The following AFM variants were observed in gnomAD, a reference collection of about 807,000 sequenced individuals.
The protein encoded by AFM is afamin.
In AFM, 82 loss-of-function variants were observed where a neutral mutation model predicts 68.7. The ratio of observed to expected loss-of-function variants is 1.19; its 90% CI spans 1.00 to 1.43. AFM has a LOEUF of 1.43. AFM is among the 40% of genes most tolerant of loss of function. AFM has a pLI of 0.00. For synonymous variants in AFM, 250 were observed against 234.2 expected (o/e 1.07, Z -0.61); for missense variants, 772 against 701.8 (o/e 1.10, Z -1.13).
chr4:73,498,037 C>T (rs999715630), intron 10 of AFM, among the ~76,000 whole-genome samples: 1 of 152,178 alleles, frequency 6.6e-6, no homozygotes, highest in Admixed American at 6.5e-5. Context: ...ATCCCTGCAT[C>T]CTCACCCATT....
intron 5 of AFM, among the ~76,000 whole-genome samples, 183 bp downstream of exon 5, chr4:73,487,282 T>C (rs1367988816): frequency 1.3e-5 from 2 of 152,242 alleles, no homozygotes; most frequent in Non-Finnish European, 2.9e-5. Flanking sequence ...CTTGAGACTC[T>C]TGAATGACAG....
intron 8 of AFM, among the ~76,000 whole-genome samples, chr4:73,493,305 G>C (rs1721136422): frequency 6.6e-6 from 1 of 152,232 alleles, no homozygotes; most frequent in South Asian, 2.1e-4. Flanking sequence ...AACCTCATCT[G>C]AAGAAAATCC....
At chr4:73,484,539 T>TCC (rs1272646691) in intron 3 of AFM, 149 bp downstream of exon 3, 1 of 755,398 alleles carries the variant, frequency 1.3e-6, no homozygotes, top group Non-Finnish European at 1.9e-6. Context: ...CTTTCTTTCC[T>TCC]TCTTTTTTTT....
Position 73,500,094 on chromosome 4 carries a change from T to A in AFM, c.1513T>A (p.Phe505Ile), listed in dbSNP as rs752753617. The change falls in exon 12 of 15, where the codon TTC becomes ATC. Residue 505 changes from phenylalanine (F) to isoleucine (I), a missense_variant. Physicochemically the swap from Phe to Ile is conservative, Grantham distance 21 (BLOSUM62 0). Transcript: ENST00000226355. ...VDHCCKTNFA[F>I]RRPCFESLKA... The stretch of plus-strand genomic sequence containing the variant: ...CCACTGCTGTAAAACAAACTTTGCC[T>A]TCAGAAGGCCCTGCTTTGAGAGTTT... 6.2e-7 allele frequency: 1 copy of A among 1,613,956 alleles called. No individual in the cohort carries two copies. The highest frequency in any genetic ancestry group is 1.3e-5 in the African/African-American group (1 of 74,930).
chr4:73,482,459 T>G (rs1345563006), intron 1 of AFM, among the ~76,000 whole-genome samples: 7 of 152,206 alleles, frequency 4.6e-5, no homozygotes, highest in Non-Finnish European at 1.0e-4. Flanking sequence ...GCTCCTTTCT[T>G]TGACTTGAAC....
rs1230971721 is a variant in AFM, at chr4:73,481,842, C to T, written c.67C>T (p.Pro23Ser). 1 of 1,606,026 alleles carries T rather than the reference C, an allele frequency of 6.2e-7. No homozygotes were observed. Among genetic ancestry groups the T allele is most frequent in the Non-Finnish European group, 8.5e-7 (1 of 1,175,422 alleles). The part of the protein sequence containing the change: ...LFFLTESLTL[P>S]TQPRDIENFN... The stretch of plus-strand genomic sequence containing the variant: ...TTTTTTGACTGAATCCCTAACCCTG[C>T]CCACACAACCTCGGGATATAGGTAA... Residue 23 changes from proline to serine, a missense_variant, in exon 1 of 15, where the codon CCC becomes TCC. Transcript: ENST00000226355.
At chr4:73,486,875 C>G in intron 4 of AFM, 92 bp from the exon 5 acceptor site, 1 of 1,086,746 alleles carries the variant, frequency 9.2e-7, no homozygotes, top group Non-Finnish European at 1.3e-6. Flanking sequence ...ATCTTACCCT[C>G]CCTTCCCTTC....
At chr4:73,492,375 A>C (rs1482650165) in intron 8 of AFM, among the ~76,000 whole-genome samples, 1 of 152,218 alleles carries the variant, frequency 6.6e-6, no homozygotes, top group Admixed American at 6.5e-5. Flanking sequence ...CAATCATACA[A>C]AATAAGTACA....
At chr4:73,495,826 AT>A (rs2149345848) in intron 9 of AFM, among the ~76,000 whole-genome samples, 1 of 152,288 alleles carries the variant, frequency 6.6e-6, no homozygotes, top group South Asian at 2.1e-4. Flanking sequence ...AAAAGTAATG[AT>A]TGATTGTTGT....
chr4:73,485,861 G>C lies in AFM; in HGVS notation c.271-1G>C. The C allele has an allele frequency of 6.2e-7, 1 of 1,612,754 alleles. No individual in the cohort carries two copies. The highest frequency in any genetic ancestry group is 8.5e-7 in the Non-Finnish European group (1 of 1,178,910). ...TTGTCCTTTTCTTCTCTGTTGTATA[G>C]AATAATGTTTTACAGGAAAAAATAT... On this transcript the variant is annotated splice_acceptor_variant, in intron 3 of 14. Transcript: ENST00000226355. LOFTEE classifies it high-confidence loss of function.
intron 14 of AFM, 55 bp downstream of exon 14, chr4:73,503,165 C>T (rs1277878350): frequency 2.2e-6 from 3 of 1,365,168 alleles, no homozygotes; most frequent in Non-Finnish European, 3.1e-6. Flanking sequence ...TATCTGATCT[C>T]CTTGCCTTTT....
At chr4:73,488,862 C>A in intron 7 of AFM, 103 bp downstream of exon 7, 1 of 1,102,720 alleles carries the variant, frequency 9.1e-7, no homozygotes, top group Non-Finnish European at 1.3e-6. Flanking sequence ...ACAATGAAAT[C>A]AGAATGTGAT....
Position 73,481,750 on chromosome 4 carries a change from C to G in AFM, c.-26C>G. On this transcript the variant is annotated 5_prime_UTR_variant, in exon 1 of 15. Transcript: ENST00000226355. Reference sequence around the variant, plus strand: ...TGATTTTCCTCAACAACATTACTTTCTTTTGTAAATGTGGTTTCTACAAAG... The same window carrying G: ...TGATTTTCCTCAACAACATTACTTTGTTTTGTAAATGTGGTTTCTACAAAG... 1 of 1,395,394 alleles carries G rather than the reference C, an allele frequency of 7.2e-7. No individual in the cohort carries two copies. The highest frequency in any genetic ancestry group is 1.0e-6 in the Non-Finnish European group (1 of 1,001,684). 86.4% of individuals were successfully genotyped at this position (1,395,394 alleles called of 1,614,324 possible). A position where few individuals can be genotyped will look rare whatever the true frequency, so the allele number is the denominator to read the frequency against.
intron 5 of AFM, among the ~76,000 whole-genome samples, chr4:73,487,364 T>G (rs1470479126): frequency 1.3e-5 from 2 of 152,182 alleles, no homozygotes; most frequent in Admixed American, 1.3e-4. Flanking sequence ...GGTGAGTGAA[T>G]GCCCAGGGTG....
At position 73,499,317 on chromosome 4, in the gene AFM, A is replaced by G. The variant is rs1195163571; in HGVS notation, c.1422+71A>G. 6.3e-6 allele frequency: 8 copies of G among 1,279,090 alleles called. No homozygotes were observed. The East Asian group carries it at 2.0e-4, about 32-fold the overall frequency. The allele number at this position is 1,279,090 out of a possible 1,614,324, so 79.2% of individuals were successfully genotyped here. The stretch of plus-strand genomic sequence containing the variant: ...AAAAAAAGAATATTTGCACTCATTG[A>G]TTTACCGTGATTATCCATATTCCTT... On this transcript the variant is annotated intron_variant, in intron 11 of 14. Coordinates refer to ENST00000226355, the MANE Select transcript of AFM (RefSeq NM_001133.2).
At chr4:73,483,660 A>G (rs1454634925) in intron 1 of AFM, among the ~76,000 whole-genome samples, 3 of 152,244 alleles carry the variant, frequency 2.0e-5, no homozygotes, top group Admixed American at 2.0e-4. Flanking sequence ...TGACATTTCT[A>G]TCTGGGGAGC....
chr4:73,489,734 T>C (rs1322565273), intron 7 of AFM, among the ~76,000 whole-genome samples: 2 of 152,192 alleles, frequency 1.3e-5, no homozygotes, highest in Non-Finnish European at 2.9e-5. Flanking sequence ...GAATTGTTCA[T>C]GCATTCTGTT....
At position 73,499,888 on chromosome 4, in the gene AFM, T is replaced by C. The variant is rs1009391468; in HGVS notation, c.1423-116T>C. 1.1e-4 allele frequency: 91 copies of C among 849,970 alleles called. No homozygotes were observed. In the African/African-American group the frequency reaches 1.3e-3, roughly 13 times the overall value. 52.7% of individuals were successfully genotyped at this position (849,970 alleles called of 1,614,324 possible). On this transcript the variant is annotated intron_variant, in intron 11 of 14. Coordinates refer to ENST00000226355, the MANE Select transcript of AFM (RefSeq NM_001133.2). ...GGGATATGTCATGAGTGCATGTGTT[T>C]TATGAGTGAGGTTAACAGTGATCTT...
At chr4:73,502,856 A>G (rs903244298) in intron 13 of AFM, among the ~76,000 whole-genome samples, 194 bp from the exon 14 acceptor site, 3 of 152,296 alleles carry the variant, frequency 2.0e-5, no homozygotes, top group South Asian at 2.1e-4. Context: ...GAAGGAAAGG[A>G]TGAATTTTTG....
Sources: gnomAD v4.1 joint callset for allele counts (sites outside exome capture counted in the v4.1 genomes callset) on GRCh38, gnomAD v4.1.1 for gene constraint, MANE v1.5 for transcripts, NCBI Gene and HGNC (gene_info 2026-07-23, HGNC 2026-07-21) for gene names.